TBC1D22A: variants seen among roughly 807,000 people sequenced by gnomAD.
TBC1D22A encodes the protein putative GTPase activator.
In TBC1D22A, 38 loss-of-function variants were observed where a neutral mutation model predicts 60.2. That is an observed-to-expected ratio of 0.63 (90% CI 0.49 to 0.83). The LOEUF (loss-of-function observed/expected upper bound fraction) is 0.83, where lower values mean the gene tolerates loss of function less well. Ranked by LOEUF, TBC1D22A falls within the 40% of genes least tolerant of loss-of-function variation. TBC1D22A has a pLI of 0.00. For synonymous variants in TBC1D22A, 302 were observed against 281.7 expected, an observed-to-expected ratio of 1.07 and a Z score of -0.72; for missense variants, 628 against 701.0, an observed-to-expected ratio of 0.90 and a Z score of 1.18.
rs1443170618 is a variant in TBC1D22A at position 46,865,738 on chromosome 22, C to A, written c.638-12915C>A. Reference sequence around the variant, plus strand: ...ACCAAGGGCCGGTTCCCCCAATGCCCCCCCATGGGGGAGGCCTGTGTGCAT... The same window carrying A: ...ACCAAGGGCCGGTTCCCCCAATGCCACCCCATGGGGGAGGCCTGTGTGCAT... On this transcript the variant is annotated intron_variant, in intron 4 of 12. Transcript: ENST00000337137. Among the ~76,000 whole-genome samples, 3 of 152,234 alleles carry A rather than the reference C, an allele frequency of 2.0e-5. No homozygotes were observed. In the East Asian group the frequency reaches 5.8e-4, roughly 29 times the overall value.
intron 8 of TBC1D22A, among the ~76,000 whole-genome samples, chr22:46,937,723 G>A (rs1385505059): frequency 6.6e-6 from 1 of 152,206 alleles, no homozygotes; most frequent in African/African-American, 2.4e-5. Context: ...CTTCCAGTGG[G>A]ACAAGGTGTG....
chr22:46,873,168 A>G (rs549303964), intron 4 of TBC1D22A, among the ~76,000 whole-genome samples: 18 of 152,332 alleles, frequency 1.2e-4, no homozygotes, highest in Middle Eastern at 3.4e-3. Context: ...AAAATTAGCA[A>G]TTAGAAACAG....
intron 11 of TBC1D22A, among the ~76,000 whole-genome samples, chr22:47,050,188 A>G (rs1455036948): frequency 6.6e-6 from 1 of 152,118 alleles, no homozygotes; most frequent in African/African-American, 2.4e-5. Context: ...ATTTTTTAGT[A>G]GAGACGGGGT....
At chr22:47,170,072 T>G (rs868860359) in intron 12 of TBC1D22A, among the ~76,000 whole-genome samples, 1 of 152,230 alleles carries the variant, frequency 6.6e-6, no homozygotes, top group East Asian at 1.9e-4. Flanking sequence ...CGTGGCCTAG[T>G]GCATAAATAA....
At chr22:47,156,220 A>G (rs577130962) in intron 12 of TBC1D22A, among the ~76,000 whole-genome samples, 13 of 152,348 alleles carry the variant, frequency 8.5e-5, no homozygotes, top group African/African-American at 1.2e-4. Flanking sequence ...GCTGGGACCA[A>G]TCAGGGGCTG....
At chr22:47,090,736 C>A (rs192955061) in intron 11 of TBC1D22A, among the ~76,000 whole-genome samples, 8 of 149,906 alleles carry the variant, frequency 5.3e-5, no homozygotes, top group Middle Eastern at 3.5e-3. Context: ...AGTGGCCTCG[C>A]AGAGGGGGTG....
In TBC1D22A at chr22:47,141,436, C is replaced by T. The variant is rs140234249; in HGVS notation, c.1425+29833C>T. ...TTGCTTTTTGCCTTCCCCTTACGCACGCATTTATAATCCTCGGACCAGCTC... is the reference window on the plus strand; with the variant it reads ...TTGCTTTTTGCCTTCCCCTTACGCATGCATTTATAATCCTCGGACCAGCTC... On this transcript the variant is annotated intron_variant, in intron 12 of 12. Transcript: ENST00000337137. 4.2e-4 allele frequency among the ~76,000 whole-genome samples: 64 copies of T among 152,336 alleles called. 1 individual carries two copies. The East Asian group carries it at 6.7e-3, about 16-fold the overall frequency.
chr22:46,837,380 A>G (rs974033423), intron 4 of TBC1D22A, among the ~76,000 whole-genome samples: 1 of 152,228 alleles, frequency 6.6e-6, no homozygotes, highest in Non-Finnish European at 1.5e-5. Context: ...TTGAATAACA[A>G]TATGGACCAA....
At chr22:47,170,239 C>T (rs738672) in intron 12 of TBC1D22A, among the ~76,000 whole-genome samples, 2 of 151,976 alleles carry the variant, frequency 1.3e-5, no homozygotes, top group African/African-American at 2.4e-5. Context: ...GTGAACCTGG[C>T]GGACTAAATT....
chr22:46,839,330 C>T (rs1346132990), intron 4 of TBC1D22A, among the ~76,000 whole-genome samples: 5 of 146,124 alleles, frequency 3.4e-5, no homozygotes, highest in East Asian at 2.0e-4. Context: ...TTTTTTGAGA[C>T]GGAGTCTCGC....
At chr22:46,824,225 T>C (rs2085951726) in intron 4 of TBC1D22A, among the ~76,000 whole-genome samples, 1 of 152,188 alleles carries the variant, frequency 6.6e-6, no homozygotes, top group Non-Finnish European at 1.5e-5. Flanking sequence ...TCCTGTAGCT[T>C]CCGTGGCTCG....
At chr22:47,031,093 G>A (rs968504263) in intron 10 of TBC1D22A, among the ~76,000 whole-genome samples, 2 of 152,212 alleles carry the variant, frequency 1.3e-5, no homozygotes, top group African/African-American at 2.4e-5. Flanking sequence ...GTGACTCAGC[G>A]GAGCGCTTGC....
intron 4 of TBC1D22A, among the ~76,000 whole-genome samples, chr22:46,798,274 A>G (rs943449015): frequency 1.3e-5 from 2 of 152,222 alleles, no homozygotes; most frequent in African/African-American, 4.8e-5. Flanking sequence ...TCTTGACAGT[A>G]TTCTGAAGAC....
intron 8 of TBC1D22A, among the ~76,000 whole-genome samples, chr22:46,934,408 C>G (rs568847794): frequency 1.3e-5 from 2 of 152,166 alleles, no homozygotes; most frequent in African/African-American, 4.8e-5. Context: ...GCCGTAAACT[C>G]GGGCCAGTGG....
intron 8 of TBC1D22A, among the ~76,000 whole-genome samples, chr22:46,944,612 A>T (rs966339746): frequency 5.3e-5 from 8 of 152,188 alleles, no homozygotes; most frequent in Admixed American, 6.5e-5. Context: ...GTTAGCCAGG[A>T]TGGTCTTGAT....
At chr22:46,832,201 T>C (rs1423420234) in intron 4 of TBC1D22A, among the ~76,000 whole-genome samples, 2 of 152,200 alleles carry the variant, frequency 1.3e-5, no homozygotes, top group East Asian at 1.9e-4. Flanking sequence ...AGGGCCAAAC[T>C]GGAGACCAGG....
At position 46,830,448 on chromosome 22, in the gene TBC1D22A, G is replaced by C. The variant is rs545075967; in HGVS notation, c.637+32828G>C. ...GCGTCATGTTGCATGTAGGCTGCAA[G>C]CTGTGAGCAGCTCTGTGTGTGTCCT... On this transcript the variant is annotated intron_variant, in intron 4 of 12. Coordinates refer to ENST00000337137, the MANE Select transcript of TBC1D22A (RefSeq NM_014346.5). Among the ~76,000 whole-genome samples, 36 of 152,370 alleles carry C rather than the reference G, an allele frequency of 2.4e-4. No homozygotes were observed. In the South Asian group the frequency reaches 7.0e-3, roughly 30 times the overall value.
chr22:47,057,853 C>T (rs2063446173), intron 11 of TBC1D22A, among the ~76,000 whole-genome samples: 1 of 152,190 alleles, frequency 6.6e-6, no homozygotes, highest in Non-Finnish European at 1.5e-5. Flanking sequence ...CAGACCACAT[C>T]AAAATGGTTA....
intron 1 of TBC1D22A, 81 bp downstream of exon 1, chr22:46,762,929 A>G (rs1601755786): frequency 2.2e-6 from 3 of 1,354,100 alleles, no homozygotes; most frequent in Middle Eastern, 4.1e-4. Flanking sequence ...CTGCGGGTGG[A>G]GTCGGGGGTC....
Sources: gnomAD v4.1 joint callset for allele counts (sites outside exome capture counted in the v4.1 genomes callset) on GRCh38, gnomAD v4.1.1 for gene constraint, MANE v1.5 for transcripts, NCBI Gene and HGNC (gene_info 2026-07-23, HGNC 2026-07-21) for gene names.